Variants in TRHR observed in about 807,000 individuals in gnomAD.
The protein encoded by TRHR is thyrotropin-releasing hormone receptor.
A neutral mutation model predicts 28.0 loss-of-function variants in TRHR; 14 were observed. The observed-to-expected ratio is 0.50, with a 90% CI of 0.33 to 0.78. The LOEUF is 0.78. Among genes scored for constraint, TRHR ranks in the 30% least tolerant of loss-of-function variants. The pLI is 0.02. For synonymous variants in TRHR, 176 were observed against 171.9 expected (o/e 1.02, Z -0.18); for missense variants, 438 against 469.5 (o/e 0.93, Z 0.62).
chr8:109,114,766 G>T (rs924259850), intron 2 of TRHR, among the ~76,000 whole-genome samples: 3 of 151,964 alleles, frequency 2.0e-5, no homozygotes, highest in Admixed American at 6.6e-5. Context: ...TCAACCCCAA[G>T]TTTATATCAA....
intron 2 of TRHR, 52 bp from the exon 3 acceptor site, chr8:109,118,996 T>C: frequency 6.2e-7 from 1 of 1,608,698 alleles, no homozygotes; most frequent in Non-Finnish European, 8.5e-7. Context: ...AAAGGGGGTT[T>C]TGTTTTGTTT....
At chr8:109,100,512 A>C (rs1430753360) in intron 2 of TRHR, among the ~76,000 whole-genome samples, 1 of 152,152 alleles carries the variant, frequency 6.6e-6, no homozygotes, top group African/African-American at 2.4e-5. Flanking sequence ...ATGGGACAGG[A>C]AAATGGTGAA....
intron 2 of TRHR, among the ~76,000 whole-genome samples, chr8:109,088,908 C>T (rs1811483111): frequency 6.6e-6 from 1 of 152,092 alleles, no homozygotes; most frequent in South Asian, 2.1e-4. Context: ...GCACTTTGCT[C>T]AGGAAATGTT....
chr8:109,115,573 T>C (rs1234706725), intron 2 of TRHR, among the ~76,000 whole-genome samples: 5 of 152,204 alleles, frequency 3.3e-5, no homozygotes, highest in Non-Finnish European at 1.5e-5. Flanking sequence ...TTTGAAGAAA[T>C]TGTGAATGGG....
chr8:109,108,054 T>A (rs1480190746), intron 2 of TRHR, among the ~76,000 whole-genome samples: 1 of 152,116 alleles, frequency 6.6e-6, no homozygotes, highest in Non-Finnish European at 1.5e-5. Flanking sequence ...GCTAGAAAAT[T>A]AGCTCCGTAA....
intron 2 of TRHR, among the ~76,000 whole-genome samples, chr8:109,104,628 C>T (rs1811723676): frequency 6.6e-6 from 1 of 151,994 alleles, no homozygotes; most frequent in Non-Finnish European, 1.5e-5. Context: ...CCCAAAACCC[C>T]TGAAGAACAG....
At chr8:109,102,709 G>C (rs1427001854) in intron 2 of TRHR, among the ~76,000 whole-genome samples, 1 of 152,068 alleles carries the variant, frequency 6.6e-6, no homozygotes, top group Non-Finnish European at 1.5e-5. Flanking sequence ...GCTGTTCATT[G>C]TGGGAAATGT....
intron 2 of TRHR, among the ~76,000 whole-genome samples, chr8:109,095,160 T>C (rs574554228): frequency 6.6e-6 from 1 of 152,216 alleles, no homozygotes; most frequent in South Asian, 2.1e-4. Flanking sequence ...AGCACTATCC[T>C]AGGTATAGAG....
chr8:109,116,741 C>T (rs183148490), intron 2 of TRHR, among the ~76,000 whole-genome samples: 19 of 151,980 alleles, frequency 1.3e-4, no homozygotes, highest in African/African-American at 4.6e-4. Flanking sequence ...TCCTTCCATG[C>T]CTGAATGTAT....
intron 2 of TRHR, among the ~76,000 whole-genome samples, chr8:109,099,471 G>A (rs923190461): frequency 6.6e-6 from 1 of 152,198 alleles, no homozygotes; most frequent in African/African-American, 2.4e-5. Flanking sequence ...CAAGGAGCAA[G>A]GGGAGACGCA....
intron 2 of TRHR, among the ~76,000 whole-genome samples, chr8:109,089,046 T>C (rs954025631): frequency 1.3e-5 from 2 of 152,186 alleles, no homozygotes; most frequent in Non-Finnish European, 2.9e-5. Flanking sequence ...TGAATGTGCA[T>C]ATAATTAGTT....
At position 109,099,146 on chromosome 8, in the gene TRHR, T is replaced by TTAA. The variant is rs1563623212; in HGVS notation, c.789+10845_789+10846insTAA. Among the ~76,000 whole-genome samples the TTAA allele has an allele frequency of 4.0e-3, 614 of 152,116 alleles. 4 individuals are homozygous for TTAA. The highest frequency in any genetic ancestry group is 0.014 in the African/African-American group (574 of 41,464). On this transcript the variant is annotated intron_variant, in intron 2 of 2. Coordinates refer to ENST00000518632, the MANE Select transcript of TRHR (RefSeq NM_003301.7). ...TTGAAAGAAATTGTAAGGGAGAGAT[T>TTAA]ACAGAGAGACATCAAGAGGAGGAGT... is the stretch of plus-strand genomic sequence containing the variant.
chr8:109,103,786 C>A (rs1335818546), intron 2 of TRHR, among the ~76,000 whole-genome samples: 3 of 152,150 alleles, frequency 2.0e-5, no homozygotes. Flanking sequence ...GCATCCACTT[C>A]CTCAGGATAA....
chr8:109,090,317 G>A (rs1771349572), intron 2 of TRHR, among the ~76,000 whole-genome samples: 1 of 152,144 alleles, frequency 6.6e-6, no homozygotes, highest in African/African-American at 2.4e-5. Context: ...GGGAACTACA[G>A]GTTTTTCCTT....
At chr8:109,117,367 A>G (rs1811936916) in intron 2 of TRHR, among the ~76,000 whole-genome samples, 1 of 151,926 alleles carries the variant, frequency 6.6e-6, no homozygotes, top group South Asian at 2.1e-4. Flanking sequence ...ATGCAAAATG[A>G]AAAGAATACT....
At chr8:109,094,530 A>G (rs180887840) in intron 2 of TRHR, among the ~76,000 whole-genome samples, 126 of 152,222 alleles carry the variant, frequency 8.3e-4, no homozygotes, top group African/African-American at 2.9e-3. Flanking sequence ...GTGACAGCTC[A>G]CAGCTAAGTG....
chr8:109,115,865 G>A (rs1317335051), intron 2 of TRHR, among the ~76,000 whole-genome samples: 4 of 152,120 alleles, frequency 2.6e-5, no homozygotes, highest in African/African-American at 4.8e-5. Flanking sequence ...TGGTGAGAGA[G>A]GGCATCCCTG....
chr8:109,106,308 A>G (rs866639954), intron 2 of TRHR, among the ~76,000 whole-genome samples: 1 of 151,874 alleles, frequency 6.6e-6, no homozygotes, highest in African/African-American at 2.4e-5. Context: ...GCTGACAGAT[A>G]GGACAGAGCA....
chr8:109,093,368 C>T (rs1223046119), intron 2 of TRHR, among the ~76,000 whole-genome samples: 1 of 150,626 alleles, frequency 6.6e-6, no homozygotes, highest in Non-Finnish European at 1.5e-5. Flanking sequence ...TCTCCCCTGC[C>T]TCACTCCAAC....
Sources: allele counts gnomAD v4.1 joint callset (sites outside exome capture counted in the v4.1 genomes callset), GRCh38; gene constraint gnomAD v4.1.1; transcripts MANE v1.5; gene names NCBI Gene and HGNC (gene_info 2026-07-23, HGNC 2026-07-21).